The following EYS variants were observed in gnomAD, a reference collection of about 807,000 sequenced individuals.
The protein encoded by EYS is EGF-like photoreceptor maintenance factor.
In EYS, 250 loss-of-function variants were observed where a neutral mutation model predicts 282.1. That is an observed-to-expected ratio of 0.89 (90% CI 0.80 to 0.98). The LOEUF (loss-of-function observed/expected upper bound fraction) is 0.98, where lower values mean the gene tolerates loss of function less well. Among genes scored for constraint, EYS ranks in the 50% least tolerant of loss-of-function variants. The pLI is 0.00. For synonymous variants in EYS, 1,355 were observed against 1,282.9 expected, an observed-to-expected ratio of 1.06 and a Z score of -1.20; for missense variants, 4,016 against 3,709.0, an observed-to-expected ratio of 1.08 and a Z score of -2.15.
chr6:64,866,788 C>T (rs1468914984), intron 19 of EYS, among the ~76,000 whole-genome samples: 3 of 151,516 alleles, frequency 2.0e-5, no homozygotes, highest in Non-Finnish European at 4.4e-5. Flanking sequence ...TTTAAAGTTG[C>T]TCCACTGTCC....
chr6:64,121,372 T>C (rs760886382), intron 31 of EYS, among the ~76,000 whole-genome samples: 3 of 152,216 alleles, frequency 2.0e-5, no homozygotes, highest in Non-Finnish European at 4.4e-5. Context: ...CACAGTGATA[T>C]ACATATTATT....
chr6:64,226,586 C>T (rs1377998391), intron 31 of EYS, among the ~76,000 whole-genome samples: 1 of 152,008 alleles, frequency 6.6e-6, no homozygotes, highest in Non-Finnish European at 1.5e-5. Context: ...CTGCATGCAG[C>T]CATATAAAAC....
At chr6:63,883,259 CT>C (rs1773180244) in intron 35 of EYS, among the ~76,000 whole-genome samples, 1 of 152,212 alleles carries the variant, frequency 6.6e-6, no homozygotes. Flanking sequence ...TTTCCACTCT[CT>C]CACTGTGCTC....
At chr6:65,236,176 C>T (rs1582049292) in intron 12 of EYS, among the ~76,000 whole-genome samples, 1 of 151,938 alleles carries the variant, frequency 6.6e-6, no homozygotes, top group Admixed American at 6.6e-5. Context: ...CTTGAGGATC[C>T]TAATATTACC....
intron 2 of EYS, among the ~76,000 whole-genome samples, chr6:65,617,542 A>G (rs1301995053): frequency 6.6e-6 from 1 of 151,356 alleles, no homozygotes; most frequent in Non-Finnish European, 1.5e-5. Flanking sequence ...ATTATTTATA[A>G]TATATTTTTT....
chr6:63,780,850 TA>T (rs1215766513), intron 39 of EYS, among the ~76,000 whole-genome samples: 1 of 152,246 alleles, frequency 6.6e-6, no homozygotes, highest in Admixed American at 6.5e-5. Context: ...TGGTATTGCC[TA>T]GATTTTCTTC....
chr6:64,238,757 G>T (rs7760918), intron 30 of EYS, among the ~76,000 whole-genome samples: 47,561 of 151,910 alleles, frequency 0.31, 7,456 homozygotes, highest in East Asian at 0.51. Context: ...TTCCTTTTAT[G>T]TTTTTAAATT....
chr6:64,805,080 T>A (rs1248159381), intron 22 of EYS, among the ~76,000 whole-genome samples: 1 of 152,054 alleles, frequency 6.6e-6, no homozygotes, highest in African/African-American at 2.4e-5. Context: ...ATTTTAATCT[T>A]ATTTTGAAAT....
At chr6:64,802,431 C>A (rs942965180) in intron 22 of EYS, among the ~76,000 whole-genome samples, 3 of 152,066 alleles carry the variant, frequency 2.0e-5, no homozygotes, top group Non-Finnish European at 4.4e-5. Flanking sequence ...GTTCCAGTAC[C>A]TTTGCTCTTT....
chr6:63,755,910 T>G (rs1171960428), intron 41 of EYS, among the ~76,000 whole-genome samples: 1 of 152,214 alleles, frequency 6.6e-6, no homozygotes, highest in Non-Finnish European at 1.5e-5. Flanking sequence ...GAATGGGAGT[T>G]CACTCATGAT....
chr6:65,572,589 T>C (rs935325636), intron 2 of EYS, among the ~76,000 whole-genome samples: 1 of 152,120 alleles, frequency 6.6e-6, no homozygotes, highest in Non-Finnish European at 1.5e-5. Flanking sequence ...CATAAGAGTA[T>C]TTCAGTCAAT....
intron 28 of EYS, among the ~76,000 whole-genome samples, chr6:64,402,723 A>G (rs58098692): frequency 0.025 from 3,736 of 152,292 alleles, 147 homozygotes; most frequent in African/African-American, 0.085. Flanking sequence ...ATACCATGCA[A>G]TTCAATTGTT....
intron 41 of EYS, among the ~76,000 whole-genome samples, chr6:63,742,676 C>T (rs1769106565): frequency 6.6e-6 from 1 of 152,176 alleles, no homozygotes; most frequent in Non-Finnish European, 1.5e-5. Flanking sequence ...CCCTACCCCA[C>T]AATATAGGCT....
At chr6:64,203,424 A>C (rs970040591) in intron 31 of EYS, among the ~76,000 whole-genome samples, 3 of 152,066 alleles carry the variant, frequency 2.0e-5, no homozygotes, top group African/African-American at 7.2e-5. Context: ...CATATAGAAG[A>C]GTGTAAGGGC....
chr6:64,303,713 C>T lies in EYS; in HGVS notation c.6191+3257G>A, dbSNP rs543262822. ...AAAATTAGCCGGGCATGGTGGCGCG[C>T]GCCTGTAGTCCCAGCTACACGGGAG... On this transcript the variant is annotated intron_variant, in intron 30 of 42. Transcript: ENST00000503581. Among the ~76,000 whole-genome samples, 59 of 151,312 alleles carry T rather than the reference C, an allele frequency of 3.9e-4. 1 individual carries two copies. The East Asian group carries it at 0.01, about 26-fold the overall frequency.
chr6:65,221,854 C>T (rs841547), intron 12 of EYS, among the ~76,000 whole-genome samples: 6 of 151,924 alleles, frequency 3.9e-5, no homozygotes, highest in Admixed American at 1.3e-4. Flanking sequence ...CTGAGGCCAT[C>T]GGAACCCACC....
chr6:64,821,735 A>G lies in EYS; in HGVS notation c.3165-12T>C. ...TAAGTTCTGTGCACCTGAAACACAG[A>G]ATTAGAATTACATTTTCAAATAAGT... On this transcript the variant is annotated splice_polypyrimidine_tract_variant and intron_variant, in intron 20 of 42. Transcript: ENST00000503581. 7.0e-7 allele frequency: 1 copy of G among 1,423,644 alleles called. No homozygotes were observed. The highest frequency in any genetic ancestry group is 9.6e-7 in the Non-Finnish European group (1 of 1,039,166). 88.2% of individuals were successfully genotyped at this position (1,423,644 alleles called of 1,614,324 possible).
chr6:64,605,507 C>A (rs1766899331), intron 24 of EYS, among the ~76,000 whole-genome samples: 1 of 151,742 alleles, frequency 6.6e-6, no homozygotes. Context: ...ATCAGTGTGA[C>A]TAATATATAT....
chr6:65,591,083 C>T (rs1308720598), intron 2 of EYS, among the ~76,000 whole-genome samples: 3 of 152,132 alleles, frequency 2.0e-5, no homozygotes, highest in Non-Finnish European at 2.9e-5. Context: ...CACTAATTTA[C>T]ATTCCCACCA....
Sources: gnomAD v4.1 joint callset for allele counts (sites outside exome capture counted in the v4.1 genomes callset) on GRCh38, gnomAD v4.1.1 for gene constraint, MANE v1.5 for transcripts, NCBI Gene and HGNC (gene_info 2026-07-23, HGNC 2026-07-21) for gene names.